Variants in ERC2 observed in about 807,000 individuals in gnomAD.
ERC2 encodes ELKS/RAB6-interacting/CAST family member 2.
ERC2 carries 42 observed loss-of-function variants against 114.8 expected under a neutral mutation model. The ratio of observed to expected loss-of-function variants is 0.37; its 90% CI spans 0.29 to 0.47. The LOEUF (loss-of-function observed/expected upper bound fraction) is 0.47, where lower values mean the gene tolerates loss of function less well. ERC2 is among the 20% of genes least tolerant of loss of function. ERC2 has a pLI of 0.99. For synonymous variants in ERC2, 454 were observed against 425.5 expected (o/e 1.07, Z -0.82); for missense variants, 939 against 1,150.7 (o/e 0.82, Z 2.66).
chr3:56,379,275 C>T (rs925993008), intron 2 of ERC2, among the ~76,000 whole-genome samples: 1 of 152,054 alleles, frequency 6.6e-6, no homozygotes, highest in Admixed American at 6.5e-5. Flanking sequence ...TCAGGAGAGA[C>T]CTTCTTGTGT....
intron 14 of ERC2, among the ~76,000 whole-genome samples, chr3:55,845,313 G>C (rs1231773922): frequency 2.0e-5 from 3 of 151,968 alleles, no homozygotes; most frequent in Non-Finnish European, 4.4e-5. Context: ...GACCATCCCG[G>C]CTAAAACGGT....
At position 55,851,323 on chromosome 3, in the gene ERC2, G is replaced by GCCTCT. The variant is rs1407262140; in HGVS notation, c.2564+37061_2564+37065dup. 4.6e-5 allele frequency among the ~76,000 whole-genome samples: 7 copies of GCCTCT among 152,216 alleles called. No homozygotes were observed. The East Asian group carries it at 1.4e-3, about 29-fold the overall frequency. ...TATTCTCAGCATTCTCTATGGTCCAGCCTCTCTCCACTTAAACTACACTTC... is the reference window on the plus strand; with the variant it reads ...TATTCTCAGCATTCTCTATGGTCCAGCCTCTCCTCTCTCCACTTAAACTACACTTC... On this transcript the variant is annotated intron_variant, in intron 14 of 17. Coordinates refer to ENST00000288221, the MANE Select transcript of ERC2 (RefSeq NM_015576.3).
chr3:56,269,482 AG>A (rs1408967568), intron 3 of ERC2, among the ~76,000 whole-genome samples: 1 of 152,230 alleles, frequency 6.6e-6, no homozygotes, highest in Non-Finnish European at 1.5e-5. Flanking sequence ...CCCAGCCTAA[AG>A]AAAATTAACA....
In ERC2 at chr3:56,171,506, C is replaced by T. The variant is rs2082663845; in HGVS notation, c.1149+1940G>A. Among the ~76,000 whole-genome samples, 2 of 152,164 alleles carry T rather than the reference C, an allele frequency of 1.3e-5. 1 individual carries two copies. The highest frequency in any genetic ancestry group is 4.1e-4 in the South Asian group (2 of 4,822). Reference sequence around the variant, plus strand: ...TTGCTCTTCATTTGTCCTAAAAATACAAATGCCTCATGCCTACAAATTAGC... The same window carrying T: ...TTGCTCTTCATTTGTCCTAAAAATATAAATGCCTCATGCCTACAAATTAGC... On this transcript the variant is annotated intron_variant, in intron 4 of 17. Transcript: ENST00000288221.
chr3:55,796,749 A>G (rs2070534758), intron 14 of ERC2, among the ~76,000 whole-genome samples: 1 of 152,182 alleles, frequency 6.6e-6, no homozygotes, highest in African/African-American at 2.4e-5. Context: ...TATGATAAAA[A>G]TTGTACTGGA....
Position 55,912,125 on chromosome 3 carries a change from G to A in ERC2, c.2404-23576C>T, listed in dbSNP as rs1350998305. ...GATCAGACATCCGTTTTAAAGAACC[G>A]GTATAAATATTGGCTTAAACTAGAC... is the stretch of plus-strand genomic sequence containing the variant. On this transcript the variant is annotated intron_variant, in intron 13 of 17. Transcript: ENST00000288221. Among the ~76,000 whole-genome samples the A allele has an allele frequency of 2.6e-5, 4 of 152,136 alleles. No individual in the cohort carries two copies. In the East Asian group the frequency reaches 5.8e-4, roughly 22 times the overall value.
intron 13 of ERC2, among the ~76,000 whole-genome samples, chr3:55,902,641 T>C (rs2064200012): frequency 6.6e-6 from 1 of 152,000 alleles, no homozygotes; most frequent in African/African-American, 2.4e-5. Context: ...ATCACAAGAG[T>C]AGATCCGCTA....
intron 3 of ERC2, among the ~76,000 whole-genome samples, chr3:56,278,679 T>C (rs1414281855): frequency 6.6e-6 from 1 of 152,210 alleles, no homozygotes; most frequent in African/African-American, 2.4e-5. Flanking sequence ...TAAAGAAGCC[T>C]GACACAGGCA....
chr3:55,552,891 T>G (rs2055315701), intron 17 of ERC2, among the ~76,000 whole-genome samples: 1 of 151,936 alleles, frequency 6.6e-6, no homozygotes, highest in African/African-American at 2.4e-5. Flanking sequence ...ACCAACCGAC[T>G]GAATTAGTTC....
chr3:55,798,823 T>C lies in ERC2; in HGVS notation c.2565-63905A>G, dbSNP rs145166530. Reference sequence around the variant, plus strand: ...TGAAATGGTTTATCACCAATAGACCTACACTAAAAGAATTTGTAAACGCAT... The same window carrying C: ...TGAAATGGTTTATCACCAATAGACCCACACTAAAAGAATTTGTAAACGCAT... On this transcript the variant is annotated intron_variant, in intron 14 of 17. Transcript: ENST00000288221. 5.7e-3 allele frequency among the ~76,000 whole-genome samples: 874 copies of C among 152,222 alleles called. 9 individuals carry two copies. Among genetic ancestry groups the C allele is most frequent in the African/African-American group, 0.02 (831 of 41,526 alleles).
chr3:55,706,137 G>A (rs1246826383), intron 15 of ERC2, among the ~76,000 whole-genome samples: 1 of 152,108 alleles, frequency 6.6e-6, no homozygotes, highest in African/African-American at 2.4e-5. Flanking sequence ...TACATAAATA[G>A]CCAGCATCCT....
intron 17 of ERC2, among the ~76,000 whole-genome samples, chr3:55,649,741 TG>T (rs956226148): frequency 5.9e-5 from 9 of 152,240 alleles, no homozygotes; most frequent in Non-Finnish European, 4.4e-5. Flanking sequence ...CATTTCCCCA[TG>T]GAGCCAGGGC....
intron 14 of ERC2, among the ~76,000 whole-genome samples, chr3:55,756,716 G>A (rs2067082090): frequency 2.0e-5 from 3 of 152,098 alleles, no homozygotes; most frequent in African/African-American, 7.2e-5. Flanking sequence ...CTGTTTCTAA[G>A]CCATTAAAAT....
Position 55,888,456 on chromosome 3 carries a change from T to C in ERC2, c.2497A>G (p.Lys833Glu). The C allele has an allele frequency of 6.2e-7, 1 of 1,613,914 alleles. No homozygotes were observed. Among genetic ancestry groups the C allele is most frequent in the Non-Finnish European group, 8.5e-7 (1 of 1,179,844 alleles). ...CGGAGGTTGGCCAAGTGCGCTTCTT[T>C]TTCGGCCAGGGACTGTTGTGTGGAG... ...LASTQQSLAE[K>E]EAHLANLRIE... is the part of the protein sequence containing the mutation. The change falls in exon 14 of 18, where the codon AAA (lysine) becomes GAA (glutamate). Residue 833 changes from lysine to glutamate, a missense_variant. Around this residue, in one of 5 missense-constraint regions of ERC2, gnomAD observed 328 missense variants for 353.9 expected, o/e 0.93. Transcript: ENST00000288221.
At chr3:56,360,096 G>A (rs181440518) in intron 2 of ERC2, among the ~76,000 whole-genome samples, 1 of 118,290 alleles carries the variant, frequency 8.5e-6, no homozygotes, top group African/African-American at 3.4e-5. Context: ...ACGGAGTCTC[G>A]TTCTGTCACC....
intron 10 of ERC2, among the ~76,000 whole-genome samples, chr3:56,005,196 A>G (rs2149556917): frequency 6.6e-6 from 1 of 152,238 alleles, no homozygotes; most frequent in African/African-American, 2.4e-5. Context: ...GATTATGTAT[A>G]TACTTAGAAA....
chr3:56,451,254 C>T (rs1374149425), intron 1 of ERC2, among the ~76,000 whole-genome samples: 2 of 152,012 alleles, frequency 1.3e-5, no homozygotes, highest in African/African-American at 2.4e-5. Flanking sequence ...TCCAATCACA[C>T]AAAATTTTGC....
intron 15 of ERC2, among the ~76,000 whole-genome samples, chr3:55,709,233 G>A (rs978753772): frequency 1.3e-5 from 2 of 151,988 alleles, no homozygotes; most frequent in African/African-American, 2.4e-5. Context: ...AGCCAGCAGC[G>A]CCCTCCGAAA....
At chr3:55,882,154 C>G (rs1257358451) in intron 14 of ERC2, among the ~76,000 whole-genome samples, 3 of 152,108 alleles carry the variant, frequency 2.0e-5, no homozygotes, top group Admixed American at 6.6e-5. Flanking sequence ...TGAGTTCTCA[C>G]TCTGCTAGTT....
Sources: allele counts gnomAD v4.1 joint callset (sites outside exome capture counted in the v4.1 genomes callset), GRCh38; gene constraint gnomAD v4.1.1; regional missense constraint gnomAD v4.1.1; transcripts MANE v1.5; gene names NCBI Gene and HGNC (gene_info 2026-07-23, HGNC 2026-07-21).